SMYD3: variants seen among roughly 807,000 people sequenced by gnomAD.
SMYD3 encodes the protein histone-lysine N-methyltransferase SMYD3.
A neutral mutation model predicts 57.7 loss-of-function variants in SMYD3; 36 were observed. That is an observed-to-expected ratio of 0.62 (90% confidence interval 0.48 to 0.82). SMYD3 has a LOEUF of 0.82. Ranked by LOEUF, SMYD3 falls within the 40% of genes least tolerant of loss-of-function variation. The pLI is 0.00. For synonymous variants in SMYD3, 211 were observed against 195.0 expected (o/e 1.08, Z -0.68); for missense variants, 515 against 538.8 (o/e 0.96, Z 0.44).
intron 5 of SMYD3, among the ~76,000 whole-genome samples, chr1:246,159,170 T>C (rs529122974): frequency 1.8e-3 from 273 of 152,278 alleles, no homozygotes; most frequent in African/African-American, 6.3e-3. Context: ...GCACGTGTAA[T>C]AGCCGGAGTT....
At chr1:246,048,132 A>C (rs2060002840) in intron 5 of SMYD3, among the ~76,000 whole-genome samples, 1 of 152,224 alleles carries the variant, frequency 6.6e-6, no homozygotes, top group African/African-American at 2.4e-5. Flanking sequence ...CGTGAATCAC[A>C]AAAAAGGAAT....
chr1:246,331,996 T>C (rs776317301), intron 3 of SMYD3, among the ~76,000 whole-genome samples: 3 of 152,172 alleles, frequency 2.0e-5, no homozygotes, highest in Non-Finnish European at 4.4e-5. Context: ...GCCTGGCTAT[T>C]CCCCTATCTC....
chr1:246,025,149 C>G (rs35425518), intron 5 of SMYD3, among the ~76,000 whole-genome samples: 12 of 139,258 alleles, frequency 8.6e-5, no homozygotes, highest in Admixed American at 2.2e-4. Flanking sequence ...GGAGATACAG[C>G]AAGTGGACAG....
At chr1:246,033,647 C>T (rs773734345) in intron 5 of SMYD3, among the ~76,000 whole-genome samples, 2 of 151,990 alleles carry the variant, frequency 1.3e-5, no homozygotes, top group South Asian at 4.2e-4. Context: ...ATTAGCCAGG[C>T]GTGGTGGCGC....
intron 8 of SMYD3, among the ~76,000 whole-genome samples, chr1:245,908,228 C>T (rs1407939180): frequency 3.4e-5 from 5 of 149,232 alleles, no homozygotes; most frequent in Admixed American, 2.0e-4. Context: ...ACAAAATAGA[C>T]ATTAAGTCAA....
intron 1 of SMYD3, among the ~76,000 whole-genome samples, chr1:246,364,488 T>C (rs990615395): frequency 6.6e-5 from 10 of 152,228 alleles, no homozygotes; most frequent in Admixed American, 2.0e-4. Context: ...AGTCTTATTA[T>C]GCCGACTTTA....
intron 8 of SMYD3, among the ~76,000 whole-genome samples, chr1:245,908,558 C>T (rs2054742790): frequency 6.6e-6 from 1 of 152,184 alleles, no homozygotes; most frequent in Non-Finnish European, 1.5e-5. Flanking sequence ...ATGGAACATT[C>T]TCCAAGATAA....
chr1:246,323,560 C>T (rs1480844598), intron 5 of SMYD3, among the ~76,000 whole-genome samples: 4 of 152,312 alleles, frequency 2.6e-5, no homozygotes, highest in East Asian at 3.9e-4. Context: ...CACCAGACGA[C>T]GAAATATGCT....
rs2064199483 is a variant in SMYD3 at position 246,270,433 on chromosome 1, T to C, written c.531+56768A>G. ...TCCATCTCTGTAACTCTTTTCATCT[T>C]GCAGAACTGAAACTCTAAATTCATT... On this transcript the variant is annotated intron_variant, in intron 5 of 11. Transcript: ENST00000490107. Among the ~76,000 whole-genome samples the C allele has an allele frequency of 5.9e-5, 9 of 152,356 alleles. No homozygotes were observed. The South Asian group carries it at 1.9e-3, about 32-fold the overall frequency.
In SMYD3 at chr1:245,962,664, CAG is replaced by C. The variant is rs1339860911; in HGVS notation, c.532-32729_532-32728del. Among the ~76,000 whole-genome samples, 14 of 149,162 alleles carry C rather than the reference CAG, an allele frequency of 9.4e-5. 1 individual carries two copies. The Admixed American group carries it at 9.6e-4, about 10-fold the overall frequency. On this transcript the variant is annotated intron_variant, in intron 5 of 11. Transcript: ENST00000490107. ...GTTGCGTCGAACAATAAAGAGAAAACAGAGACCAAAAATCTTGTGCCAAGGTT... is the reference window on the plus strand; with the variant it reads ...GTTGCGTCGAACAATAAAGAGAAAACAGACCAAAAATCTTGTGCCAAGGTT...
intron 1 of SMYD3, among the ~76,000 whole-genome samples, chr1:246,400,008 C>T (rs1439654784): frequency 6.6e-6 from 1 of 152,122 alleles, no homozygotes; most frequent in Non-Finnish European, 1.5e-5. Context: ...TAATTTTATA[C>T]TAAAGTTGTA....
At chr1:246,055,862 T>C (rs759144309) in intron 5 of SMYD3, among the ~76,000 whole-genome samples, 1 of 152,030 alleles carries the variant, frequency 6.6e-6, no homozygotes, top group South Asian at 2.1e-4. Flanking sequence ...AAAAGGGGAA[T>C]GGGGAGTTAT....
At chr1:246,343,669 G>A (rs918119466) in intron 2 of SMYD3, among the ~76,000 whole-genome samples, 2 of 152,126 alleles carry the variant, frequency 1.3e-5, no homozygotes, top group African/African-American at 4.8e-5. Context: ...CTCTACTTTT[G>A]GCTTGATTGA....
intron 2 of SMYD3, among the ~76,000 whole-genome samples, chr1:246,347,793 G>C (rs1210853588): frequency 6.6e-6 from 1 of 152,132 alleles, no homozygotes; most frequent in East Asian, 1.9e-4. Flanking sequence ...AGAAATGTGA[G>C]TCAACAAATT....
intron 5 of SMYD3, among the ~76,000 whole-genome samples, chr1:246,292,226 A>G (rs2064707579): frequency 6.6e-6 from 1 of 151,752 alleles, no homozygotes; most frequent in African/African-American, 2.4e-5. Flanking sequence ...ACACACCAGC[A>G]TCTTAGACTT....
chr1:246,434,243 T>C (rs1405598772), intron 1 of SMYD3, among the ~76,000 whole-genome samples: 1 of 152,212 alleles, frequency 6.6e-6, no homozygotes, highest in Non-Finnish European at 1.5e-5. Flanking sequence ...AATGTGTGAC[T>C]AAGTCCTCAA....
intron 5 of SMYD3, among the ~76,000 whole-genome samples, chr1:246,210,708 AAAAAAAAACAAAAAC>A (rs1237185473): frequency 1.3e-5 from 2 of 151,992 alleles, no homozygotes; most frequent in Non-Finnish European, 2.9e-5. Flanking sequence ...GAAACTAAAA[AAAAAAAAACAAAAAC>A]AAAAAAAACA....
intron 5 of SMYD3, among the ~76,000 whole-genome samples, chr1:245,951,979 C>T (rs1409724826): frequency 3.8e-4 from 57 of 151,914 alleles, no homozygotes; most frequent in Admixed American, 3.7e-3. Context: ...TTACAGCAAA[C>T]AACTGCATTT....
At chr1:245,822,954 G>A (rs1311936235) in intron 10 of SMYD3, among the ~76,000 whole-genome samples, 2 of 152,164 alleles carry the variant, frequency 1.3e-5, no homozygotes, top group Non-Finnish European at 2.9e-5. Flanking sequence ...TCCCCTGCTC[G>A]TGTTCTTGTC....
Sources: allele counts gnomAD v4.1 joint callset (sites outside exome capture counted in the v4.1 genomes callset), GRCh38; gene constraint gnomAD v4.1.1; transcripts MANE v1.5; gene names NCBI Gene and HGNC (gene_info 2026-07-23, HGNC 2026-07-21).